The following AJAP1 variants were observed in gnomAD, a reference collection of about 807,000 sequenced individuals.
The protein encoded by AJAP1 is adherens junction-associated protein 1.
Under a neutral mutation model 35.0 loss-of-function variants are expected in AJAP1, and 5 were observed. The observed-to-expected ratio is 0.14, with a 90% CI of 0.07 to 0.30. The LOEUF (loss-of-function observed/expected upper bound fraction) is 0.30, where lower values mean the gene tolerates loss of function less well. Among genes scored for constraint, AJAP1 ranks in the 10% least tolerant of loss-of-function variants. The probability of loss-of-function intolerance (pLI) is 1.00; values close to 1 mark genes in which losing one functional copy is unlikely to be tolerated. For synonymous variants in AJAP1, 284 were observed against 249.3 expected, an observed-to-expected ratio of 1.14 and a Z score of -1.31; for missense variants, 586 against 571.0, an observed-to-expected ratio of 1.03 and a Z score of -0.27.
At chr1:4,659,510 A>G (rs1638956582) in intron 1 of AJAP1, among the ~76,000 whole-genome samples, 1 of 152,078 alleles carries the variant, frequency 6.6e-6, no homozygotes, top group Admixed American at 6.5e-5. Context: ...GTGGTTACAT[A>G]ATTCAGATTA....
intron 1 of AJAP1, among the ~76,000 whole-genome samples, chr1:4,665,179 C>T (rs566953238): frequency 6.5e-4 from 99 of 152,148 alleles, no homozygotes; most frequent in East Asian, 2.1e-3. Context: ...CTGAGGGACA[C>T]GGTGGCTTTC....
chr1:4,672,587 T>C (rs1033859241), intron 1 of AJAP1, among the ~76,000 whole-genome samples: 1 of 152,162 alleles, frequency 6.6e-6, no homozygotes, highest in Non-Finnish European at 1.5e-5. Context: ...GGCCCTTCCA[T>C]TGCACTCCTG....
Position 4,723,035 on chromosome 1 carries a change from A to G in AJAP1, c.829+10336A>G, listed in dbSNP as rs1258383884. ...TCTGAGGGCATTCTAGGGGGAAGAC[A>G]GGAGGCAATGATACCAGATGGGACG... On this transcript the variant is annotated intron_variant, in intron 2 of 5. Transcript: ENST00000378191. This position sits in a 1 kb window ranked among gnomAD's most constrained non-coding sequence, Gnocchi z 4.3. 6.6e-6 allele frequency among the ~76,000 whole-genome samples: 1 copy of G among 152,210 alleles called. No homozygotes were observed. The highest frequency in any genetic ancestry group is 2.4e-5 in the African/African-American group (1 of 41,444).
At chr1:4,711,141 CG>C (rs1640223200) in intron 1 of AJAP1, 1 of 152,254 alleles carries the variant, frequency 6.6e-6, no homozygotes, top group Admixed American at 6.5e-5. Context: ...TAGGTTTATC[CG>C]GAGCAGATCT....
intron 2 of AJAP1, among the ~76,000 whole-genome samples, chr1:4,721,640 A>G (rs752041293): frequency 1.3e-5 from 2 of 152,156 alleles, no homozygotes; most frequent in South Asian, 2.1e-4. Flanking sequence ...AGTGCTGTCT[A>G]TGGCAGGGAG....
intron 2 of AJAP1, among the ~76,000 whole-genome samples, chr1:4,743,784 G>A (rs556993631): frequency 2.0e-5 from 3 of 152,302 alleles, no homozygotes; most frequent in South Asian, 2.1e-4. Context: ...GGGTCTCGCC[G>A]AGAACAATCC....
chr1:4,772,898 G>A (rs1000059285), intron 4 of AJAP1, among the ~76,000 whole-genome samples: 7 of 152,104 alleles, frequency 4.6e-5, no homozygotes, highest in Non-Finnish European at 7.3e-5. Flanking sequence ...ACAGCCCCCC[G>A]ACCGGAGTCA....
At position 4,712,402 on chromosome 1, in the gene AJAP1, A is replaced by T. The variant is rs139622182; in HGVS notation, c.532A>T (p.Thr178Ser). 1.6e-3 allele frequency: 2,519 copies of T among 1,585,566 alleles called. 42 individuals are homozygous for T. In the African/African-American group the frequency reaches 0.028, roughly 18 times the overall value. ...CAGAGGCAGCCGGCCCACCACAGAG[A>T]CTGAGTTCATCGCCTGGGGGCCCAC... ...DSRGSRPTTE[T>S]EFIAWGPTGD... The change falls in exon 2 of 6, where the codon ACT becomes TCT. Residue 178 changes from threonine (T) to serine (S), a missense_variant. Thr to Ser is a moderately conservative substitution (Grantham distance 58). Transcript: ENST00000378191.
At chr1:4,729,558 G>A (rs1169704445) in intron 2 of AJAP1, among the ~76,000 whole-genome samples, 8 of 57,646 alleles carry the variant, frequency 1.4e-4, no homozygotes, top group Non-Finnish European at 3.5e-5. Flanking sequence ...GCAGCAGCAG[G>A]GCTGGTTCCT....
At chr1:4,662,434 A>G (rs913836756) in intron 1 of AJAP1, among the ~76,000 whole-genome samples, 1 of 152,026 alleles carries the variant, frequency 6.6e-6, no homozygotes, top group Non-Finnish European at 1.5e-5. Flanking sequence ...TTGTTCCTGA[A>G]TGGTATCCTG....
chr1:4,770,660 A>C (rs1242701030), intron 3 of AJAP1, among the ~76,000 whole-genome samples: 1 of 152,020 alleles, frequency 6.6e-6, no homozygotes, highest in Non-Finnish European at 1.5e-5. Flanking sequence ...ACAGACCCAA[A>C]TGGTCCCCTT....
intron 1 of AJAP1, among the ~76,000 whole-genome samples, chr1:4,679,636 C>T (rs985037601): frequency 6.6e-6 from 1 of 152,198 alleles, no homozygotes; most frequent in African/African-American, 2.4e-5. Flanking sequence ...CTTGCCTCTT[C>T]CAGCTTCTGG....
intron 2 of AJAP1, among the ~76,000 whole-genome samples, chr1:4,764,503 T>G (rs1020323599): frequency 6.6e-6 from 1 of 152,174 alleles, no homozygotes; most frequent in African/African-American, 2.4e-5. Context: ...AGAGACTCTT[T>G]TTCAAGGACT....
At chr1:4,688,802 C>T (rs1639667455) in intron 1 of AJAP1, among the ~76,000 whole-genome samples, 2 of 149,128 alleles carry the variant, frequency 1.3e-5, no homozygotes, top group South Asian at 2.1e-4. Context: ...AAGAAAGGAT[C>T]GTGATGCCCT....
intron 2 of AJAP1, among the ~76,000 whole-genome samples, chr1:4,740,549 G>A (rs1220316659): frequency 6.6e-6 from 1 of 151,934 alleles, no homozygotes; most frequent in Non-Finnish European, 1.5e-5. Flanking sequence ...ACTTTGGGAG[G>A]CCGAGGCGGG....
chr1:4,709,717 C>T (rs1177708505), intron 1 of AJAP1, among the ~76,000 whole-genome samples: 1 of 152,158 alleles, frequency 6.6e-6, no homozygotes, highest in East Asian at 1.9e-4. Flanking sequence ...GGTCCCTGCC[C>T]CGAGCTTGGC....
At chr1:4,737,279 G>GC (rs1003583037) in intron 2 of AJAP1, among the ~76,000 whole-genome samples, 6 of 152,052 alleles carry the variant, frequency 3.9e-5, no homozygotes, top group African/African-American at 1.4e-4. Context: ...CTGAGCCTGA[G>GC]CCTGCCCCCT....
At chr1:4,718,112 T>TGGCAAATCC (rs994511598) in intron 2 of AJAP1, among the ~76,000 whole-genome samples, 4 of 152,010 alleles carry the variant, frequency 2.6e-5, no homozygotes, top group Non-Finnish European at 2.9e-5. Context: ...GGATGCAGCG[T>TGGCAAATCC]GGCAAATCCT....
intron 2 of AJAP1, among the ~76,000 whole-genome samples, chr1:4,764,354 C>T (rs1044949394): frequency 2.6e-5 from 4 of 152,132 alleles, no homozygotes; most frequent in African/African-American, 9.7e-5. Context: ...TTCTTAGCAG[C>T]CTGTTCCCAG....
Sources: gnomAD v4.1 joint callset for allele counts (sites outside exome capture counted in the v4.1 genomes callset) on GRCh38, gnomAD v4.1.1 for gene constraint, Gnocchi (gnomAD v3.1) non-coding constraint, MANE v1.5 for transcripts, NCBI Gene and HGNC (gene_info 2026-07-23, HGNC 2026-07-21) for gene names.